ZNHIT3: variants seen among roughly 807,000 people sequenced by gnomAD.
The protein encoded by ZNHIT3 is zinc finger HIT domain-containing protein 3.
ZNHIT3 carries 27 observed loss-of-function variants against 19.9 expected under a neutral mutation model. That is an observed-to-expected ratio of 1.36 (90% CI 1.00 to 1.87). ZNHIT3 has a LOEUF of 1.87. Among genes scored for constraint, ZNHIT3 ranks in the 40% most tolerant of loss-of-function variants. ZNHIT3 has a pLI of 0.00. For synonymous variants in ZNHIT3, 81 were observed against 65.7 expected (o/e 1.23, Z -1.13); for missense variants, 215 against 185.6 (o/e 1.16, Z -0.92).
At position 36,493,957 on chromosome 17, in the gene ZNHIT3, T is replaced by C. The variant is rs781709895; in HGVS notation, c.237T>C (p.Asn79=). 2 of 1,613,800 alleles carry C rather than the reference T, an allele frequency of 1.2e-6. No homozygotes were observed. Among genetic ancestry groups the C allele is most frequent in the Non-Finnish European group, 1.7e-6 (2 of 1,179,736 alleles). Residue 79 remains asparagine (N), a synonymous_variant, in exon 4 of 5, where the codon AAT becomes AAC. Transcript: ENST00000617429. ...DDDDSIADFL[N]SDEEEDRVSL... ...ATGACTCTATAGCTGATTTTCTCAA[T>C]AGTGATGAGGAAGAAGACAGAGTTT... is the stretch of plus-strand genomic sequence containing the variant.
intron 4 of ZNHIT3, 115 bp downstream of exon 4, chr17:36,494,121 T>C (rs2070805640): frequency 1.4e-6 from 1 of 725,048 alleles, no homozygotes; most frequent in Non-Finnish European, 2.3e-6. Flanking sequence ...GGGCTCTTAC[T>C]ATCTAGCCAC....
At chr17:36,496,119 G>T, downstream of ZNHIT3, 1 of 1,283,542 alleles carries the variant, frequency 7.8e-7, no homozygotes, top group Non-Finnish European at 1.1e-6. Context: ...CTGGGTCGAA[G>T]GCTGGAGCCG....
chr17:36,494,115 TCTTA>T (rs1360938364), intron 4 of ZNHIT3, 109 bp downstream of exon 4: 25 of 760,694 alleles, frequency 3.3e-5, no homozygotes, highest in Non-Finnish European at 4.6e-5. Context: ...CATGTAGGGC[TCTTA>T]CTATCTAGCC....
chr17:36,487,143 A>G (rs1164246746), intron 2 of ZNHIT3, among the ~76,000 whole-genome samples, 177 bp downstream of exon 2: 1 of 151,984 alleles, frequency 6.6e-6, no homozygotes, highest in Non-Finnish European at 1.5e-5. Flanking sequence ...TGTGTGTCGG[A>G]CAGTTCCCTC....
chr17:36,498,473 C>T (rs768916037), downstream of ZNHIT3: 14 of 1,613,916 alleles, frequency 8.7e-6, no homozygotes, highest in African/African-American at 4.0e-5. Flanking sequence ...TCTGCAGCGG[C>T]GAGGTGCTCA....
downstream of ZNHIT3, chr17:36,496,350 A>G (rs781052907): frequency 4.3e-6 from 7 of 1,613,890 alleles, no homozygotes; most frequent in Admixed American, 6.7e-5. Context: ...GTGAAGGTTC[A>G]GGGCAGATGT....
rs771762013 is a variant in ZNHIT3 at position 36,493,975 on chromosome 17, CAG to C, written c.258_259del (p.Arg86SerfsTer67). On this transcript the variant is annotated frameshift_variant, in exon 4 of 5. Transcript: ENST00000617429. LOFTEE classifies it high-confidence loss of function. ...DFLNSDEEEDRVSLQNLKNLG... is the reference protein window; with the variant it reads ...DFLNSDEEEDXVSLQNLKNLG... ...TTCTCAATAGTGATGAGGAAGAAGACAGAGTTTCTTTGCAGAATTTAAAGAAT... is the reference window on the plus strand; with the variant it reads ...TTCTCAATAGTGATGAGGAAGAAGACAGTTTCTTTGCAGAATTTAAAGAAT... The C allele has an allele frequency of 3.2e-5, 51 of 1,613,466 alleles. No individual in the cohort carries two copies. The highest frequency in any genetic ancestry group is 9.3e-5 in the African/African-American group (7 of 74,978).
rs753007806 is a variant in ZNHIT3, at chr17:36,486,722, C to T, written c.23C>T (p.Thr8Ile). The T allele has an allele frequency of 6.2e-6, 10 of 1,613,920 alleles. No homozygotes were observed. Among genetic ancestry groups the T allele is most frequent in the African/African-American group, 2.7e-5 (2 of 75,018 alleles). The change falls in exon 1 of 5, where the codon ACC becomes ATC. Residue 8 changes from threonine (T) to isoleucine (I), a missense_variant. Thr to Ile is a moderately conservative substitution (Grantham distance 89). Coordinates refer to ENST00000617429, the MANE Select transcript of ZNHIT3 (RefSeq NM_004773.4). ...ACCATGGCGTCGCTCAAATGTAGCA[C>T]CGTCGTCTGCGTGATCTGCTTGGAG... MASLKCSTVVCVICLEKP... is the reference protein window; with the variant it reads MASLKCSIVVCVICLEKP...
downstream of ZNHIT3, chr17:36,498,450 T>A: frequency 6.2e-7 from 1 of 1,614,002 alleles, no homozygotes; most frequent in Non-Finnish European, 8.5e-7. Context: ...GATTATTGCC[T>A]CCAGGAGCCT....
intron 2 of ZNHIT3, among the ~76,000 whole-genome samples, chr17:36,487,283 C>T (rs1022767263): frequency 1.6e-5 from 2 of 125,818 alleles, no homozygotes; most frequent in African/African-American, 6.0e-5. Flanking sequence ...CGAGGTCTAC[C>T]CTAGCAGTTT....
chr17:36,495,583 G>T lies in ZNHIT3; in HGVS notation c.*179G>T. On this transcript the variant is annotated 3_prime_UTR_variant, in exon 5 of 5. Transcript: ENST00000617429. ...GTGGCTCATGTTTCAGGCAGACTTG[G>T]GGTCCTTAAGGTGGCAAGTCCTTTA... is the stretch of plus-strand genomic sequence containing the variant. 1 of 1,303,900 alleles carries T rather than the reference G, an allele frequency of 7.7e-7. No individual in the cohort carries two copies. Among genetic ancestry groups the T allele is most frequent in the Non-Finnish European group, 9.7e-7 (1 of 1,029,712 alleles). The allele number at this position is 1,303,900 out of a possible 1,614,324, so 80.8% of individuals were successfully genotyped here.
downstream of ZNHIT3, chr17:36,497,607 T>C: frequency 1.1e-6 from 1 of 905,174 alleles, no homozygotes; most frequent in Non-Finnish European, 1.3e-6. Context: ...TTTTTTTAGA[T>C]GGACTCTCGT....
chr17:36,488,832 G>C (rs1056326242), intron 2 of ZNHIT3, among the ~76,000 whole-genome samples: 4 of 152,138 alleles, frequency 2.6e-5, no homozygotes, highest in African/African-American at 9.7e-5. Flanking sequence ...GGGAACACTC[G>C]CAATCCTCTC....
chr17:36,499,156 A>G (rs1160932522), downstream of ZNHIT3: 12 of 1,603,278 alleles, frequency 7.5e-6, no homozygotes, highest in African/African-American at 1.3e-5. Flanking sequence ...ACCAGGAACG[A>G]ATGGCTAAGA....
rs1401985666 is a variant in ZNHIT3 at position 36,492,827 on chromosome 17, GA to G, written c.136del (p.Thr46LeufsTer8). On this transcript the variant is annotated frameshift_variant, in exon 3 of 5. Coordinates refer to ENST00000617429, the MANE Select transcript of ZNHIT3 (RefSeq NM_004773.4). LOFTEE classifies it high-confidence loss of function. ...GTCTTTTTCAGAACAGTGCAACCCT[GA>G]AACTCGTCCTGTTGAGAAAAAAATA... ...FRKHKEQCNP[E>X]TRPVEKKIRS... 1.2e-6 allele frequency: 2 copies of G among 1,614,160 alleles called. No homozygotes were observed. The highest frequency in any genetic ancestry group is 1.7e-6 in the Non-Finnish European group (2 of 1,180,022).
intron 2 of ZNHIT3, 81 bp downstream of exon 2, chr17:36,487,047 C>T: frequency 6.4e-7 from 1 of 1,554,300 alleles, no homozygotes; most frequent in Non-Finnish European, 8.7e-7. Context: ...GGGGCGTGGA[C>T]CCTTGGGCTG....
intron 3 of ZNHIT3, 73 bp from the exon 4 acceptor site, chr17:36,493,853 C>A: frequency 2.0e-6 from 2 of 1,019,172 alleles, no homozygotes; most frequent in South Asian, 1.3e-5. Flanking sequence ...TTATCCTGTT[C>A]AAGTAGTGGT....
At chr17:36,496,501 TATGGACA>T (rs1030027669), downstream of ZNHIT3, 221 of 1,169,574 alleles carry the variant, frequency 1.9e-4, no homozygotes, top group African/African-American at 1.5e-3. Context: ...TGCAAGAAGG[TATGGACA>T]AGTACTAGTA....
At chr17:36,493,187 T>C (rs1197319017) in intron 3 of ZNHIT3, 2 of 491,120 alleles carry the variant, frequency 4.1e-6, no homozygotes, top group East Asian at 3.7e-5. Context: ...AGGAGCCTTC[T>C]CTAGCCCATA....
Sources: gnomAD v4.1 joint callset for allele counts (sites outside exome capture counted in the v4.1 genomes callset) on GRCh38, gnomAD v4.1.1 for gene constraint, MANE v1.5 for transcripts, NCBI Gene and HGNC (gene_info 2026-07-23, HGNC 2026-07-21) for gene names.